RORB: variants seen among roughly 807,000 people sequenced by gnomAD.
The protein encoded by RORB is nuclear receptor ROR-beta.
RORB carries 6 observed loss-of-function variants against 59.1 expected under a neutral mutation model. The ratio of observed to expected loss-of-function variants is 0.10; its 90% confidence interval spans 0.06 to 0.20. The LOEUF (loss-of-function observed/expected upper bound fraction) is 0.20, where lower values mean the gene tolerates loss of function less well. Ranked by LOEUF, RORB falls within the 10% of genes least tolerant of loss-of-function variation. The pLI is 1.00. For missense variants in RORB, 320 were observed against 560.5 expected (o/e 0.57, Z 4.33); for synonymous variants, 215 against 204.5 (o/e 1.05, Z -0.44).
At chr9:74,580,623 C>T (rs1484691790) in intron 1 of RORB, among the ~76,000 whole-genome samples, 4 of 152,000 alleles carry the variant, frequency 2.6e-5, no homozygotes, top group African/African-American at 9.7e-5. Flanking sequence ...TACTTTTTTT[C>T]TGAAAGGAAT....
At chr9:74,644,696 T>C (rs1276205557) in intron 4 of RORB, among the ~76,000 whole-genome samples, 2 of 152,240 alleles carry the variant, frequency 1.3e-5, no homozygotes, top group African/African-American at 4.8e-5. Flanking sequence ...ACTTAATATC[T>C]AAGTTCCTGA....
chr9:74,682,146 T>TA (rs1824556810), intron 9 of RORB, among the ~76,000 whole-genome samples: 1 of 151,478 alleles, frequency 6.6e-6, no homozygotes, highest in Admixed American at 6.6e-5. Context: ...AGCACCACTG[T>TA]AAAAAAATTT....
chr9:74,504,040 A>G (rs1406726312), intron 1 of RORB, among the ~76,000 whole-genome samples: 1 of 152,060 alleles, frequency 6.6e-6, no homozygotes, highest in African/African-American at 2.4e-5. Flanking sequence ...TGACAAAATT[A>G]TTGTATATTT....
At chr9:74,512,035 T>C (rs896073252) in intron 1 of RORB, among the ~76,000 whole-genome samples, 2 of 152,168 alleles carry the variant, frequency 1.3e-5, no homozygotes, top group East Asian at 1.9e-4. Flanking sequence ...TTTTCCATCA[T>C]TGAGAAAAGA....
chr9:74,506,361 A>G (rs1825870589), intron 1 of RORB, among the ~76,000 whole-genome samples: 1 of 152,214 alleles, frequency 6.6e-6, no homozygotes, highest in Middle Eastern at 3.4e-3. Context: ...TAAAGAAGGA[A>G]AATTCTGGAG....
intron 1 of RORB, among the ~76,000 whole-genome samples, chr9:74,501,068 G>A (rs527584039): frequency 6.6e-6 from 1 of 152,300 alleles, no homozygotes; most frequent in East Asian, 1.9e-4. Context: ...CTTCTTGAAA[G>A]ATCTGTGGGC....
At chr9:74,527,096 T>G (rs1220035794) in intron 1 of RORB, among the ~76,000 whole-genome samples, 3 of 151,960 alleles carry the variant, frequency 2.0e-5, no homozygotes, top group South Asian at 2.1e-4. Flanking sequence ...TCATGAGAAT[T>G]TAGAAACCGT....
rs185800278 is a variant in RORB at position 74,635,354 on chromosome 9, A to C, written c.235+582A>C. 1.7e-4 allele frequency among the ~76,000 whole-genome samples: 26 copies of C among 152,316 alleles called. No homozygotes were observed. The East Asian group carries it at 5.0e-3, about 29-fold the overall frequency. ...AGGCTGTGTAGGTGATGTCTTCCTC[A>C]GAATGTCATACCTTCTACACTCCAC... On this transcript the variant is annotated intron_variant, in intron 3 of 9. Coordinates refer to ENST00000376896, the MANE Select transcript of RORB (RefSeq NM_006914.4).
chr9:74,612,515 C>T (rs1823245407), intron 1 of RORB, among the ~76,000 whole-genome samples: 1 of 152,154 alleles, frequency 6.6e-6, no homozygotes, highest in African/African-American at 2.4e-5. Flanking sequence ...GCTAGATCCA[C>T]CCCTCGTATC....
At chr9:74,608,131 G>A (rs1008265799) in intron 1 of RORB, among the ~76,000 whole-genome samples, 35 of 152,236 alleles carry the variant, frequency 2.3e-4, no homozygotes, top group Admixed American at 4.6e-4. Context: ...AGAGGTATTT[G>A]ATAAATGAAC....
At chr9:74,633,571 G>A (rs559499844) in intron 2 of RORB, among the ~76,000 whole-genome samples, 10 of 152,250 alleles carry the variant, frequency 6.6e-5, no homozygotes, top group Admixed American at 2.6e-4. Context: ...AGAGTAATTA[G>A]GGAAATCGAT....
At chr9:74,586,569 A>C (rs1822802017) in intron 1 of RORB, among the ~76,000 whole-genome samples, 1 of 150,166 alleles carries the variant, frequency 6.7e-6, no homozygotes, top group African/African-American at 2.5e-5. Context: ...AAACAATAAA[A>C]TCGTATGCAA....
At chr9:74,576,124 A>G (rs1416510388) in intron 1 of RORB, among the ~76,000 whole-genome samples, 1 of 152,148 alleles carries the variant, frequency 6.6e-6, no homozygotes, top group African/African-American at 2.4e-5. Context: ...TGCAGGTGAT[A>G]GTAAAGGAAA....
chr9:74,671,764 A>G (rs750450053), intron 8 of RORB, 25 bp from the exon 9 acceptor site: 5 of 1,463,972 alleles, frequency 3.4e-6, no homozygotes, highest in African/African-American at 2.8e-5. Context: ...TGTTCCCTCC[A>G]CTTACCCACT....
intron 1 of RORB, among the ~76,000 whole-genome samples, chr9:74,523,718 T>A (rs1478319854): frequency 6.6e-6 from 1 of 151,984 alleles, no homozygotes; most frequent in African/African-American, 2.4e-5. Context: ...CTAAACTCTT[T>A]GTCTAGAAGA....
At chr9:74,587,975 A>T (rs939256879) in intron 1 of RORB, among the ~76,000 whole-genome samples, 7 of 152,196 alleles carry the variant, frequency 4.6e-5, no homozygotes, top group African/African-American at 1.7e-4. Context: ...GTTCAAATAT[A>T]AATGTGCATA....
chr9:74,590,423 ATGC>A (rs1229617712), intron 1 of RORB, among the ~76,000 whole-genome samples: 1 of 152,218 alleles, frequency 6.6e-6, no homozygotes, highest in East Asian at 1.9e-4. Flanking sequence ...AGTGGTTAAA[ATGC>A]TGTACCACGG....
At chr9:74,546,503 G>A (rs963029772) in intron 1 of RORB, among the ~76,000 whole-genome samples, 1 of 152,134 alleles carries the variant, frequency 6.6e-6, no homozygotes, top group Admixed American at 6.5e-5. Context: ...TAGAAGAAGG[G>A]CATAATCAAT....
At chr9:74,641,008 C>T (rs1400857368) in intron 3 of RORB, among the ~76,000 whole-genome samples, 1 of 152,124 alleles carries the variant, frequency 6.6e-6, no homozygotes, top group Non-Finnish European at 1.5e-5. Flanking sequence ...TGATTGAATC[C>T]AGGAACTGAG....
Sources: allele counts gnomAD v4.1 joint callset (sites outside exome capture counted in the v4.1 genomes callset), GRCh38; gene constraint gnomAD v4.1.1; transcripts MANE v1.5; gene names NCBI Gene and HGNC (gene_info 2026-07-23, HGNC 2026-07-21).